Variants in CTNNA3 observed in about 807,000 individuals in gnomAD.
The protein encoded by CTNNA3 is catenin alpha 3.
A neutral mutation model predicts 95.7 loss-of-function variants in CTNNA3; 76 were observed. The observed-to-expected ratio is 0.79, with a 90% confidence interval of 0.66 to 0.96. CTNNA3 has a LOEUF of 0.96. Among genes scored for constraint, CTNNA3 ranks in the 40% least tolerant of loss-of-function variants. CTNNA3 has a pLI of 0.00. For missense variants in CTNNA3, 1,191 were observed against 1,089.8 expected (o/e 1.09, Z -1.31); for synonymous variants, 431 against 374.4 (o/e 1.15, Z -1.74).
In CTNNA3 at chr10:66,900,674, A is replaced by G. The variant is rs1845703096; in HGVS notation, c.1048-125150T>C. Reference sequence around the variant, plus strand: ...CTAACTAGAATAAACAGTGTAGAGAAGACCTTCAATGGCCTGATGGAGCTG... The same window carrying G: ...CTAACTAGAATAAACAGTGTAGAGAGGACCTTCAATGGCCTGATGGAGCTG... On this transcript the variant is annotated intron_variant, in intron 7 of 17. Coordinates refer to ENST00000433211, the MANE Select transcript of CTNNA3 (RefSeq NM_013266.4). Among the ~76,000 whole-genome samples the G allele has an allele frequency of 2.0e-5, 3 of 152,268 alleles. No individual in the cohort carries two copies. In the South Asian group the frequency reaches 6.2e-4, roughly 32 times the overall value.
chr10:66,543,511 G>A (rs1022615834), intron 10 of CTNNA3, among the ~76,000 whole-genome samples: 1 of 152,058 alleles, frequency 6.6e-6, no homozygotes, highest in African/African-American at 2.4e-5. Flanking sequence ...AAAAATATAT[G>A]TGATACATTT....
At chr10:65,988,648 C>A (rs2078475779) in intron 16 of CTNNA3, 44 bp downstream of exon 16, 4 of 1,465,326 alleles carry the variant, frequency 2.7e-6, no homozygotes, top group Non-Finnish European at 3.8e-6. Context: ...TGGCAAAGAG[C>A]AATTAGCATG....
chr10:66,388,980 A>T (rs1162604113), intron 11 of CTNNA3, among the ~76,000 whole-genome samples: 1 of 152,180 alleles, frequency 6.6e-6, no homozygotes, highest in Non-Finnish European at 1.5e-5. Context: ...CTTCTTAAAA[A>T]TGATTATTTC....
chr10:66,373,776 C>G (rs7084947), intron 12 of CTNNA3, among the ~76,000 whole-genome samples: 54,795 of 152,168 alleles, frequency 0.36, 11,399 homozygotes, highest in Non-Finnish European at 0.47. Flanking sequence ...AAATTAGGTT[C>G]AGTCAGATCT....
At chr10:67,185,579 A>C (rs766076648) in intron 6 of CTNNA3, among the ~76,000 whole-genome samples, 3 of 152,308 alleles carry the variant, frequency 2.0e-5, no homozygotes, top group Non-Finnish European at 4.4e-5. Flanking sequence ...ATTTTTGATG[A>C]AACCATAATC....
At position 65,916,230 on chromosome 10, in the gene CTNNA3, TC is replaced by T. The variant is rs1248277840; in HGVS notation, c.*4099del. 6.6e-6 allele frequency: 1 copy of T among 152,016 alleles called. No homozygotes were observed. The highest frequency in any genetic ancestry group is 6.6e-5 in the Admixed American group (1 of 15,260). The allele number at this position is 152,016 out of a possible 1,614,324, so 9.4% of individuals were successfully genotyped here. On this transcript the variant is annotated 3_prime_UTR_variant, in exon 18 of 18. Transcript: ENST00000433211. ...TTATTAAAATAATATAAAATTATATTCTTTTTAACTGAAATATTTCTGGCTT... is the reference window on the plus strand; with the variant it reads ...TTATTAAAATAATATAAAATTATATTTTTTTAACTGAAATATTTCTGGCTT...
chr10:66,108,624 G>A (rs1244138063), intron 13 of CTNNA3, among the ~76,000 whole-genome samples: 2 of 151,314 alleles, frequency 1.3e-5, no homozygotes, highest in Non-Finnish European at 2.9e-5. Context: ...TTTTTGGCAG[G>A]TGGGTTACAT....
chr10:66,845,754 T>TACACACACACACACACAC (rs140313786), intron 7 of CTNNA3, among the ~76,000 whole-genome samples: 78 of 108,656 alleles, frequency 7.2e-4, no homozygotes, highest in African/African-American at 9.5e-4. Flanking sequence ...TATATATACA[T>TACACACACACACACACAC]ACACACACAC....
At chr10:66,535,358 C>T (rs1047285840) in intron 10 of CTNNA3, among the ~76,000 whole-genome samples, 5 of 152,192 alleles carry the variant, frequency 3.3e-5, no homozygotes, top group South Asian at 2.1e-4. Flanking sequence ...GAGATAAATA[C>T]GGCTATGGTT....
chr10:66,244,516 A>T (rs185193650), intron 13 of CTNNA3, among the ~76,000 whole-genome samples: 8 of 152,290 alleles, frequency 5.3e-5, no homozygotes, highest in Admixed American at 3.3e-4. Context: ...GCCCTGTGTC[A>T]TCCCACTTCC....
intron 3 of CTNNA3, among the ~76,000 whole-genome samples, chr10:67,576,401 T>G (rs1842146201): frequency 6.6e-6 from 1 of 152,124 alleles, no homozygotes; most frequent in South Asian, 2.1e-4. Context: ...GAGGCATTAT[T>G]GTATAGTTGT....
At chr10:66,272,728 C>T (rs2091308886) in intron 13 of CTNNA3, among the ~76,000 whole-genome samples, 1 of 152,152 alleles carries the variant, frequency 6.6e-6, no homozygotes, top group Non-Finnish European at 1.5e-5. Flanking sequence ...ATATTTTAAA[C>T]TCACTTAGCA....
At chr10:66,544,352 A>T (rs1013186577) in intron 10 of CTNNA3, among the ~76,000 whole-genome samples, 1 of 152,010 alleles carries the variant, frequency 6.6e-6, no homozygotes, top group African/African-American at 2.4e-5. Context: ...GCTTGAGAAG[A>T]CCTTATTTCA....
At chr10:67,439,358 G>A (rs1313570218) in intron 5 of CTNNA3, among the ~76,000 whole-genome samples, 1 of 152,112 alleles carries the variant, frequency 6.6e-6, no homozygotes, top group African/African-American at 2.4e-5. Context: ...GAAACATGAT[G>A]CTGGCATCTG....
At chr10:67,624,257 A>G (rs1312661817) in intron 2 of CTNNA3, among the ~76,000 whole-genome samples, 1 of 152,214 alleles carries the variant, frequency 6.6e-6, no homozygotes, top group African/African-American at 2.4e-5. Context: ...CTGAGTTTTC[A>G]TCAATTTAAT....
At position 66,114,428 on chromosome 10, in the gene CTNNA3, G is replaced by A. The variant is rs191744491; in HGVS notation, c.1885-11179C>T. On this transcript the variant is annotated intron_variant, in intron 13 of 17. Transcript: ENST00000433211. ...TATATATGTATATTTGTGTATATTC[G>A]TATGTATATATGTGTATATATGTAT... 2.1e-3 allele frequency among the ~76,000 whole-genome samples: 322 copies of A among 149,908 alleles called. 1 individual carries two copies. The highest frequency in any genetic ancestry group is 4.3e-3 in the African/African-American group (172 of 40,438).
intron 2 of CTNNA3, among the ~76,000 whole-genome samples, chr10:67,612,797 T>C (rs1285413650): frequency 1.3e-5 from 2 of 152,204 alleles, no homozygotes; most frequent in Middle Eastern, 3.4e-3. Flanking sequence ...CTCATCTTCC[T>C]CTCCAAGTCC....
chr10:66,526,729 A>G (rs1185032996), intron 10 of CTNNA3, among the ~76,000 whole-genome samples: 1 of 152,070 alleles, frequency 6.6e-6, no homozygotes, highest in Non-Finnish European at 1.5e-5. Flanking sequence ...TCATGTGCTT[A>G]TTGACGAACT....
chr10:66,708,782 G>A (rs1458222170), intron 9 of CTNNA3, among the ~76,000 whole-genome samples: 2 of 152,108 alleles, frequency 1.3e-5, no homozygotes, highest in Non-Finnish European at 2.9e-5. Context: ...TCGTAAGGTT[G>A]TAAGGTTTCA....
Sources: gnomAD v4.1 joint callset for allele counts (sites outside exome capture counted in the v4.1 genomes callset) on GRCh38, gnomAD v4.1.1 for gene constraint, MANE v1.5 for transcripts, NCBI Gene and HGNC (gene_info 2026-07-23, HGNC 2026-07-21) for gene names.